The following UGT1A9 variants were observed in gnomAD, a reference collection of about 807,000 sequenced individuals.
UGT1A9 encodes UDP-glucuronosyltransferase 1A9.
In UGT1A9, 35 loss-of-function variants were observed where a neutral mutation model predicts 45.0. The observed-to-expected ratio is 0.78, with a 90% CI of 0.59 to 1.03. UGT1A9 has a LOEUF of 1.03. Ranked by LOEUF, UGT1A9 falls within the 50% of genes least tolerant of loss-of-function variation. The probability of loss-of-function intolerance (pLI) is 0.00; values close to 1 mark genes in which losing one functional copy is unlikely to be tolerated. For missense variants in UGT1A9, 687 were observed against 666.6 expected (o/e 1.03, Z -0.34); for synonymous variants, 278 against 250.6 (o/e 1.11, Z -1.03).
rs566468987 is a variant in UGT1A9, at chr2:233,735,438, T to C, written c.856-31596T>C. ...TGAGATAGGCCTCCTGAATACAGCA[T>C]ACCGATGGGCCTTGACTCTTTATCC... On this transcript the variant is annotated intron_variant, in intron 1 of 4. Transcript: ENST00000354728. Among the ~76,000 whole-genome samples, 10 of 152,290 alleles carry C rather than the reference T, an allele frequency of 6.6e-5. No homozygotes were observed. The East Asian group carries it at 7.7e-4, about 12-fold the overall frequency.
rs143907483 is a variant in UGT1A9 at position 233,715,103 on chromosome 2, C to G, written c.855+42314C>G. 2.9e-3 allele frequency among the ~76,000 whole-genome samples: 442 copies of G among 152,202 alleles called. 2 individuals carry two copies. The highest frequency in any genetic ancestry group is 5.0e-3 in the Non-Finnish European group (340 of 68,020). On this transcript the variant is annotated intron_variant, in intron 1 of 4. Coordinates refer to ENST00000354728, the MANE Select transcript of UGT1A9 (RefSeq NM_021027.3). The stretch of plus-strand genomic sequence containing the variant: ...GTTTCATCATATTGGCCAGGCTGAT[C>G]TCAAATGCCTGATCTCAAGTGATTC...
chr2:233,706,288 G>GT (rs143392067), intron 1 of UGT1A9, among the ~76,000 whole-genome samples: 2,206 of 152,350 alleles, frequency 0.014, 39 homozygotes, highest in South Asian at 0.042. Flanking sequence ...GTGGGGCCCA[G>GT]TGCCAGGTAC....
intron 1 of UGT1A9, chr2:233,718,733 C>T: frequency 6.2e-6 from 10 of 1,611,470 alleles, no homozygotes; most frequent in Non-Finnish European, 8.5e-6. Flanking sequence ...TGCTAGGTGG[C>T]TCAATGACAA....
rs1402956787 is a variant in UGT1A9 at position 233,772,421 on chromosome 2, C to T, written c.1455C>T (p.Ser485=). 4.3e-6 allele frequency: 7 copies of T among 1,614,232 alleles called. No individual in the cohort carries two copies. The highest frequency in any genetic ancestry group is 1.6e-4 in the Middle Eastern group (1 of 6,062). ...AHDLTWYQYH[S]LDVIGFLLAV... ...ACCTCACCTGGTACCAGTACCATTC[C>T]TTGGACGTGATTGGTTTCCTCTTGG... Residue 485 remains serine (S), a synonymous_variant, in exon 5 of 5, where the codon TCC becomes TCT. Transcript: ENST00000354728.
At chr2:233,682,511 A>G in intron 1 of UGT1A9, 1 of 1,613,916 alleles carries the variant, frequency 6.2e-7, no homozygotes. Context: ...CTATGTCCCC[A>G]GACTTCTCTT....
intron 1 of UGT1A9, among the ~76,000 whole-genome samples, chr2:233,701,124 G>A (rs2075611315): frequency 6.6e-6 from 1 of 152,078 alleles, no homozygotes; most frequent in African/African-American, 2.4e-5. Flanking sequence ...TATCATTGAG[G>A]GACATTTAGG....
intron 4 of UGT1A9, 116 bp downstream of exon 4, chr2:233,768,555 A>C: frequency 6.8e-7 from 1 of 1,474,628 alleles, no homozygotes; most frequent in African/African-American, 1.4e-5. Flanking sequence ...AAAAACAAAT[A>C]CATAAAAATC....
At chr2:233,691,010 G>C in intron 1 of UGT1A9, 1 of 993,922 alleles carries the variant, frequency 1.0e-6, no homozygotes. Context: ...TCAGAGCAAG[G>C]CTGTGGTTGG....
intron 1 of UGT1A9, chr2:233,740,677 T>C (rs536808969): frequency 2.0e-5 from 3 of 151,924 alleles, no homozygotes; most frequent in South Asian, 4.1e-4. Context: ...GGTGTTTCCA[T>C]GGAGGGTGTT....
chr2:233,713,639 C>A (rs772966162), intron 1 of UGT1A9: 2 of 1,613,978 alleles, frequency 1.2e-6, no homozygotes, highest in African/African-American at 2.7e-5. Flanking sequence ...ACATGCTCTA[C>A]CCTCTGGCCC....
At chr2:233,737,730 T>C (rs558595206) in intron 1 of UGT1A9, among the ~76,000 whole-genome samples, 10 of 152,254 alleles carry the variant, frequency 6.6e-5, no homozygotes, top group East Asian at 3.9e-4. Context: ...CCTTTTTTTT[T>C]CCTTTTCTCT....
intron 1 of UGT1A9, among the ~76,000 whole-genome samples, chr2:233,749,338 G>A (rs996223048): frequency 2.0e-5 from 3 of 151,868 alleles, no homozygotes; most frequent in Admixed American, 6.5e-5. Flanking sequence ...GTTGAAAAGT[G>A]GGATGGAATT....
chr2:233,690,011 T>C (rs913512213), intron 1 of UGT1A9: 3 of 442,948 alleles, frequency 6.8e-6, no homozygotes, highest in African/African-American at 4.1e-5. Flanking sequence ...TCTCACCATT[T>C]TGGACCTTCC....
intron 1 of UGT1A9, among the ~76,000 whole-genome samples, chr2:233,761,951 C>T (rs997594435): frequency 3.9e-5 from 6 of 152,200 alleles, no homozygotes; most frequent in Non-Finnish European, 8.8e-5. Flanking sequence ...GCGTCTGGCT[C>T]CCATTAAGGG....
intron 1 of UGT1A9, among the ~76,000 whole-genome samples, chr2:233,686,266 A>G (rs1342619965): frequency 6.6e-6 from 1 of 151,776 alleles, no homozygotes; most frequent in Non-Finnish European, 1.5e-5. Context: ...TTTTTCTTGT[A>G]CCAAAAGTAC....
intron 1 of UGT1A9, among the ~76,000 whole-genome samples, chr2:233,701,708 C>T (rs530092195): frequency 1.2e-4 from 19 of 152,298 alleles, no homozygotes; most frequent in African/African-American, 3.8e-4. Context: ...AACCGCTCAA[C>T]TACATGGAAA....
At chr2:233,768,516 G>A (rs188739654) in intron 4 of UGT1A9, 77 bp downstream of exon 4, 153 of 1,549,320 alleles carry the variant, frequency 9.9e-5, no homozygotes, top group Non-Finnish European at 1.2e-4. Context: ...AAACATTTAC[G>A]TAGCATTTAA....
intron 1 of UGT1A9, among the ~76,000 whole-genome samples, chr2:233,678,371 A>G (rs1166606796): frequency 6.6e-6 from 1 of 152,122 alleles, no homozygotes; most frequent in African/African-American, 2.4e-5. Flanking sequence ...ATCATCTTCC[A>G]TTGAGTGGGC....
intron 1 of UGT1A9, among the ~76,000 whole-genome samples, chr2:233,696,870 C>T (rs899291677): frequency 5.3e-5 from 8 of 152,160 alleles, no homozygotes; most frequent in Non-Finnish European, 8.8e-5. Context: ...TTTTCAGCAT[C>T]TACAACATAT....
Sources: allele counts gnomAD v4.1 joint callset (sites outside exome capture counted in the v4.1 genomes callset), GRCh38; gene constraint gnomAD v4.1.1; transcripts MANE v1.5; gene names NCBI Gene and HGNC (gene_info 2026-07-23, HGNC 2026-07-21).